The following ATL2 variants were observed in gnomAD, a reference collection of about 807,000 sequenced individuals.
The protein encoded by ATL2 is atlastin-2.
A neutral mutation model predicts 73.9 loss-of-function variants in ATL2; 31 were observed. The observed-to-expected ratio is 0.42, with a 90% confidence interval of 0.32 to 0.57. The LOEUF is 0.57. ATL2 is among the 20% of genes least tolerant of loss of function. The probability of loss-of-function intolerance (pLI) is 0.14; values close to 1 mark genes in which losing one functional copy is unlikely to be tolerated. For missense variants in ATL2, 738 were observed against 702.6 expected (o/e 1.05, Z -0.57); for synonymous variants, 291 against 237.5 (o/e 1.23, Z -2.07).
At chr2:38,374,700 T>C (rs1671866090) in intron 1 of ATL2, among the ~76,000 whole-genome samples, 1 of 152,256 alleles carries the variant, frequency 6.6e-6, no homozygotes, top group African/African-American at 2.4e-5. Flanking sequence ...TATGTTGAAC[T>C]CCATCCAGCA....
intron 7 of ATL2, among the ~76,000 whole-genome samples, chr2:38,312,297 A>G (rs1667796100): frequency 6.6e-6 from 1 of 152,138 alleles, no homozygotes; most frequent in Non-Finnish European, 1.5e-5. Context: ...GAGGTGATTC[A>G]TGGGAGCAGA....
chr2:38,346,353 A>T (rs145802300), intron 1 of ATL2, among the ~76,000 whole-genome samples: 1 of 152,102 alleles, frequency 6.6e-6, no homozygotes, highest in African/African-American at 2.4e-5. Flanking sequence ...AGTTACATGT[A>T]AAGTTGACCA....
At chr2:38,318,848 A>C in intron 3 of ATL2, 37 bp downstream of exon 3, 1 of 1,589,770 alleles carries the variant, frequency 6.3e-7, no homozygotes, top group South Asian at 1.1e-5. Context: ...TAGCCCAAGA[A>C]AGAATACAGG....
intron 1 of ATL2, among the ~76,000 whole-genome samples, chr2:38,360,217 G>C (rs1489494753): frequency 1.3e-5 from 2 of 149,380 alleles, no homozygotes; most frequent in East Asian, 1.9e-4. Flanking sequence ...AACTTTGTTA[G>C]CTAGTCAGGA....
intron 2 of ATL2, among the ~76,000 whole-genome samples, chr2:38,333,770 C>T (rs377136666): frequency 3.3e-5 from 5 of 152,194 alleles, no homozygotes; most frequent in East Asian, 1.9e-4. Context: ...GGTTCAGGAA[C>T]GTAACCAAGA....
At chr2:38,370,400 G>C (rs1161595107) in intron 1 of ATL2, among the ~76,000 whole-genome samples, 1 of 130,736 alleles carries the variant, frequency 7.6e-6, no homozygotes, top group Non-Finnish European at 1.6e-5. Context: ...AGTGAGCCAA[G>C]ATCGCGCCAC....
chr2:38,310,535 T>C (rs1204353899), intron 7 of ATL2, 88 bp from the exon 8 acceptor site: 2 of 1,161,272 alleles, frequency 1.7e-6, no homozygotes, highest in Non-Finnish European at 2.4e-6. Context: ...ATGCACACTA[T>C]GCACACTTAA....
At chr2:38,348,050 A>C (rs945872560) in intron 1 of ATL2, among the ~76,000 whole-genome samples, 1 of 152,074 alleles carries the variant, frequency 6.6e-6, no homozygotes, top group Admixed American at 6.6e-5. Context: ...TACAGGCATG[A>C]GCCACTATGC....
At chr2:38,355,857 G>A (rs540884665) in intron 1 of ATL2, among the ~76,000 whole-genome samples, 42 of 151,508 alleles carry the variant, frequency 2.8e-4, no homozygotes, top group African/African-American at 9.0e-4. Context: ...GCACCACCAC[G>A]CCTAATTTTT....
intron 2 of ATL2, among the ~76,000 whole-genome samples, chr2:38,327,540 C>CAAAAAAAAAAAAAAAAAACAAA (rs56332855): frequency 4.4e-5 from 4 of 89,962 alleles, no homozygotes; most frequent in Admixed American, 1.2e-4. Flanking sequence ...AAAAAAAGTA[C>CAAAAAAAAAAAAAAAAAACAAA]AAAAAAAAAA....
At chr2:38,365,507 T>A (rs928452505) in intron 1 of ATL2, among the ~76,000 whole-genome samples, 1 of 151,632 alleles carries the variant, frequency 6.6e-6, no homozygotes, top group African/African-American at 2.4e-5. Flanking sequence ...ATACAAAAAA[T>A]TGGCCAGGAG....
intron 12 of ATL2, 131 bp from the exon 13 acceptor site, chr2:38,296,244 C>T: frequency 2.1e-6 from 3 of 1,427,256 alleles, no homozygotes; most frequent in South Asian, 1.6e-5. Context: ...TAAAAAGATG[C>T]TTCTCTCAAA....
chr2:38,337,036 A>G (rs1669397347), intron 2 of ATL2, among the ~76,000 whole-genome samples: 1 of 152,188 alleles, frequency 6.6e-6, no homozygotes, highest in South Asian at 2.1e-4. Flanking sequence ...CTGCAAATCC[A>G]GAGTGGGAAA....
intron 2 of ATL2, among the ~76,000 whole-genome samples, chr2:38,320,047 C>T (rs1196359830): frequency 6.6e-6 from 1 of 152,070 alleles, no homozygotes; most frequent in Non-Finnish European, 1.5e-5. Context: ...GCAGAGGTTG[C>T]AGTGAGCAGA....
At chr2:38,318,494 G>A (rs777262870) in intron 4 of ATL2, 41 bp downstream of exon 4, 1 of 1,403,230 alleles carries the variant, frequency 7.1e-7, no homozygotes, top group Non-Finnish European at 9.7e-7. Context: ...GGGGCCAAAT[G>A]ATTACGTGAA....
chr2:38,318,824 T>G lies in ATL2; in HGVS notation c.498+61A>C, dbSNP rs141750067. The G allele has an allele frequency of 3.6e-4, 567 of 1,555,166 alleles. 1 individual carries two copies. The East Asian group carries it at 4.7e-3, about 13-fold the overall frequency. On this transcript the variant is annotated intron_variant, in intron 3 of 12. Coordinates refer to ENST00000378954, the MANE Select transcript of ATL2 (RefSeq NM_001135673.4). ...TAATAGTTCTGTGTTGTTTTGATTT[T>G]TAATACTGGAAAATAGCCCAAGAAA...
intron 9 of ATL2, among the ~76,000 whole-genome samples, chr2:38,303,440 C>T (rs1003668489): frequency 6.6e-6 from 1 of 151,982 alleles, no homozygotes; most frequent in African/African-American, 2.4e-5. Flanking sequence ...GATCTGCCCA[C>T]CTCAGCCTCC....
intron 1 of ATL2, among the ~76,000 whole-genome samples, chr2:38,359,093 T>C (rs1670857475): frequency 6.6e-6 from 1 of 152,144 alleles, no homozygotes; most frequent in Non-Finnish European, 1.5e-5. Context: ...TTATTAACAA[T>C]TTCAGTTATC....
chr2:38,376,264 T>A, intron 1 of ATL2: 1 of 1,406,238 alleles, frequency 7.1e-7, no homozygotes, highest in Non-Finnish European at 9.4e-7. Context: ...AGGGGTGTTA[T>A]GAGTGAGAGG....
Sources: allele counts gnomAD v4.1 joint callset (sites outside exome capture counted in the v4.1 genomes callset), GRCh38; gene constraint gnomAD v4.1.1; transcripts MANE v1.5; gene names NCBI Gene and HGNC (gene_info 2026-07-23, HGNC 2026-07-21).